The following ADAMTS12 variants were observed in gnomAD, a reference collection of about 807,000 sequenced individuals.
ADAMTS12 encodes the protein A disintegrin and metalloproteinase with thrombospondin motifs 12.
Under a neutral mutation model 167.8 loss-of-function variants are expected in ADAMTS12, and 118 were observed. The observed-to-expected ratio is 0.70, with a 90% CI of 0.61 to 0.82. The LOEUF is 0.82. Among genes scored for constraint, ADAMTS12 ranks in the 40% least tolerant of loss-of-function variants. ADAMTS12 has a pLI of 0.00. For synonymous variants in ADAMTS12, 704 were observed against 716.9 expected, an observed-to-expected ratio of 0.98 and a Z score of 0.29; for missense variants, 1,916 against 1,998.8, an observed-to-expected ratio of 0.96 and a Z score of 0.79.
chr5:33,873,480 G>A (rs992411367), intron 2 of ADAMTS12, among the ~76,000 whole-genome samples: 2 of 152,150 alleles, frequency 1.3e-5, no homozygotes, highest in Non-Finnish European at 2.9e-5. Flanking sequence ...TTATTCAAAT[G>A]TTAGTTCTTT....
chr5:33,829,234 T>C (rs886735178), intron 2 of ADAMTS12, among the ~76,000 whole-genome samples: 3 of 152,156 alleles, frequency 2.0e-5, no homozygotes, highest in Admixed American at 1.3e-4. Context: ...CGTTCCTGAA[T>C]GTAACATGAA....
At chr5:33,708,189 T>G (rs903940889) in intron 3 of ADAMTS12, among the ~76,000 whole-genome samples, 3 of 152,190 alleles carry the variant, frequency 2.0e-5, no homozygotes, top group Non-Finnish European at 2.9e-5. Context: ...AATAAACATA[T>G]GATAAAAAGC....
At chr5:33,530,160 G>A (rs1245330825) in intron 23 of ADAMTS12, among the ~76,000 whole-genome samples, 1 of 151,822 alleles carries the variant, frequency 6.6e-6, no homozygotes, top group Admixed American at 6.6e-5. Context: ...TCCTGACCTC[G>A]AATGACCTGC....
In ADAMTS12 at chr5:33,869,702, G is replaced by C. The variant is rs140024634; in HGVS notation, c.489+11417C>G. ...TAAAATATCACAAGGCAGAAGGTCA[G>C]AGCAAGATCACAAGGTCAGGGCAAA... On this transcript the variant is annotated intron_variant, in intron 2 of 23. Transcript: ENST00000504830. Among the ~76,000 whole-genome samples the C allele has an allele frequency of 2.9e-3, 444 of 152,278 alleles. 2 individuals carry two copies. The highest frequency in any genetic ancestry group is 0.01 in the African/African-American group (423 of 41,546).
intron 20 of ADAMTS12, among the ~76,000 whole-genome samples, chr5:33,556,248 A>T (rs2111864800): frequency 6.6e-6 from 1 of 152,336 alleles, no homozygotes; most frequent in East Asian, 1.9e-4. Context: ...TTAATGACAG[A>T]GTAGGTTATC....
intron 3 of ADAMTS12, among the ~76,000 whole-genome samples, chr5:33,711,150 T>C (rs1329603427): frequency 6.6e-6 from 1 of 152,064 alleles, no homozygotes; most frequent in Non-Finnish European, 1.5e-5. Context: ...ACAATGCCTT[T>C]TACACAGAAC....
At chr5:33,784,948 A>C (rs1334356836) in intron 2 of ADAMTS12, among the ~76,000 whole-genome samples, 1 of 152,128 alleles carries the variant, frequency 6.6e-6, no homozygotes, top group Non-Finnish European at 1.5e-5. Context: ...ACAGTAATTA[A>C]TAGTGTGGTA....
intron 3 of ADAMTS12, among the ~76,000 whole-genome samples, chr5:33,692,291 A>G (rs10472888): frequency 0.22 from 34,138 of 152,064 alleles, 4,010 homozygotes; most frequent in East Asian, 0.42. Flanking sequence ...TGGCCTGAAT[A>G]TGGATGGTTT....
chr5:33,632,308 T>TG (rs1273637389), intron 12 of ADAMTS12, among the ~76,000 whole-genome samples: 1 of 152,060 alleles, frequency 6.6e-6, no homozygotes, highest in Non-Finnish European at 1.5e-5. Flanking sequence ...GTTCAATATT[T>TG]GGGTGCTAGG....
intron 17 of ADAMTS12, among the ~76,000 whole-genome samples, chr5:33,595,205 C>A (rs1193102755): frequency 7.3e-5 from 11 of 151,724 alleles, no homozygotes; most frequent in African/African-American, 2.7e-4. Flanking sequence ...ATAATAACAT[C>A]CCAACTACCT....
In ADAMTS12 at chr5:33,576,313, C is replaced by A; in HGVS notation, c.3713G>T (p.Gly1238Val). The A allele has an allele frequency of 6.2e-7, 1 of 1,614,124 alleles. No individual in the cohort carries two copies. The highest frequency in any genetic ancestry group is 8.5e-7 in the Non-Finnish European group (1 of 1,180,016). ...TSETGTPRVE[G>V]MVTEKPANTL... ...GTTGGCTGGCTTTTCAGTAACCATC[C>A]CCTCAACTCTGGGTGTCCCAGTTTC... Residue 1238 changes from glycine (G) to valine (V), a missense_variant, in exon 19 of 24, where the codon GGG becomes GTG. Physicochemically the swap from Gly to Val is moderately radical, Grantham distance 109 (BLOSUM62 -3). Coordinates refer to ENST00000504830, the MANE Select transcript of ADAMTS12 (RefSeq NM_030955.4).
chr5:33,708,966 AC>A (rs1408283554), intron 3 of ADAMTS12, among the ~76,000 whole-genome samples: 11 of 152,108 alleles, frequency 7.2e-5, no homozygotes, highest in African/African-American at 2.2e-4. Context: ...AAATAAAAAA[AC>A]AAATAAAAAA....
rs114917812 is a variant in ADAMTS12, at chr5:33,664,117, T to C, written c.916-2077A>G. Among the ~76,000 whole-genome samples, 269 of 152,276 alleles carry C rather than the reference T, an allele frequency of 1.8e-3. 2 individuals carry two copies. Among genetic ancestry groups the C allele is most frequent in the African/African-American group, 6.1e-3 (253 of 41,550 alleles). On this transcript the variant is annotated intron_variant, in intron 5 of 23. Coordinates refer to ENST00000504830, the MANE Select transcript of ADAMTS12 (RefSeq NM_030955.4). ...TGCATAGCTTTACCCGCAATTCCTA[T>C]CAAAATCTCAGCAACTCTATTGTAG...
intron 2 of ADAMTS12, among the ~76,000 whole-genome samples, chr5:33,836,690 C>T (rs1748540716): frequency 6.6e-6 from 1 of 152,156 alleles, no homozygotes; most frequent in Middle Eastern, 3.4e-3. Flanking sequence ...AACCCAGCAG[C>T]TCTCGGAGGA....
chr5:33,887,536 C>T (rs575601957), intron 1 of ADAMTS12, among the ~76,000 whole-genome samples: 5 of 152,276 alleles, frequency 3.3e-5, no homozygotes, highest in Middle Eastern at 6.8e-3. Context: ...ATATTATAAG[C>T]TCCAAATACT....
intron 20 of ADAMTS12, among the ~76,000 whole-genome samples, chr5:33,557,991 C>T (rs976054081): frequency 6.6e-6 from 1 of 151,714 alleles, no homozygotes. Flanking sequence ...TCTCCCATCA[C>T]CCCTAGATAG....
chr5:33,661,481 G>C (rs1471921308), intron 6 of ADAMTS12, among the ~76,000 whole-genome samples: 1 of 152,132 alleles, frequency 6.6e-6, no homozygotes, highest in African/African-American at 2.4e-5. Context: ...ACAGTTAAAA[G>C]GTGTACAGAT....
intron 5 of ADAMTS12, among the ~76,000 whole-genome samples, chr5:33,679,574 C>T (rs762572813): frequency 2.6e-5 from 4 of 152,216 alleles, no homozygotes; most frequent in Non-Finnish European, 5.9e-5. Context: ...ATTAGCCTAA[C>T]CGTATCACTT....
chr5:33,722,765 C>T (rs569541644), intron 3 of ADAMTS12, among the ~76,000 whole-genome samples: 1 of 152,168 alleles, frequency 6.6e-6, no homozygotes, highest in Admixed American at 6.5e-5. Context: ...GTCAAAGGCA[C>T]GTAATTGAGG....
Sources: allele counts gnomAD v4.1 joint callset (sites outside exome capture counted in the v4.1 genomes callset), GRCh38; gene constraint gnomAD v4.1.1; transcripts MANE v1.5; gene names NCBI Gene and HGNC (gene_info 2026-07-23, HGNC 2026-07-21).